Variants in AP2A1 observed in about 807,000 individuals in gnomAD.
The protein encoded by AP2A1 is adaptor related protein complex 2 subunit alpha 1, also known as AP-2 complex subunit alpha-1.
In AP2A1, 21 loss-of-function variants were observed where a neutral mutation model predicts 107.3. That is an observed-to-expected ratio of 0.20 (90% confidence interval 0.14 to 0.28). The LOEUF is 0.28. AP2A1 is among the 10% of genes least tolerant of loss of function. AP2A1 has a pLI of 1.00. For missense variants in AP2A1, 873 were observed against 1,307.7 expected (o/e 0.67, Z 5.13); for synonymous variants, 602 against 564.8 (o/e 1.07, Z -0.93).
chr19:49,791,537 T>G (rs1001133795), intron 4 of AP2A1, among the ~76,000 whole-genome samples: 1 of 152,096 alleles, frequency 6.6e-6, no homozygotes, highest in Non-Finnish European at 1.5e-5. Context: ...CTGACAGTAT[T>G]TGATGTATGT....
intron 1 of AP2A1, among the ~76,000 whole-genome samples, chr19:49,769,116 G>C (rs1042154207): frequency 1.3e-5 from 2 of 152,120 alleles, no homozygotes; most frequent in East Asian, 1.9e-4. Flanking sequence ...CAGGTGTGGT[G>C]GTGGGTGCCT....
At chr19:49,777,068 A>C (rs1223482314) in intron 1 of AP2A1, among the ~76,000 whole-genome samples, 1 of 146,996 alleles carries the variant, frequency 6.8e-6, no homozygotes, top group South Asian at 2.2e-4. Flanking sequence ...GTCTCTACTA[A>C]AAATGCGGAA....
Position 49,805,797 on chromosome 19 carries a change from C to T in AP2A1, c.2585+20C>T. The T allele has an allele frequency of 8.9e-7, 1 of 1,129,626 alleles. No homozygotes were observed. Among genetic ancestry groups the T allele is most frequent in the Non-Finnish European group, 1.2e-6 (1 of 818,136 alleles). The allele number at this position is 1,129,626 out of a possible 1,614,324, so 70.0% of individuals were successfully genotyped here. ...GAGCCTGTGAGGGGTGGGGAGGGGGCGGAGCCAAAGCCGCGCCTCTGGGTG... is the reference window on the plus strand; with the variant it reads ...GAGCCTGTGAGGGGTGGGGAGGGGGTGGAGCCAAAGCCGCGCCTCTGGGTG... On this transcript the variant is annotated intron_variant, in intron 20 of 22. Coordinates refer to ENST00000354293, the MANE Select transcript of AP2A1 (RefSeq NM_130787.3).
At position 49,782,103 on chromosome 19, in the gene AP2A1, G is replaced by C. The variant is rs920971291; in HGVS notation, c.279+14G>C. The C allele has an allele frequency of 4.1e-5, 63 of 1,548,394 alleles. No homozygotes were observed. Among genetic ancestry groups the C allele is most frequent in the Non-Finnish European group, 5.1e-5 (58 of 1,145,528 alleles). ...GAGAAGCAAATAGTGAGTCTGGAGA[G>C]GGGGGTGCCAGGGCCTGGACTCCTG... is the stretch of plus-strand genomic sequence containing the variant. On this transcript the variant is annotated intron_variant, in intron 3 of 22. Transcript: ENST00000354293.
rs1568591434 is a variant in AP2A1 at position 49,805,982 on chromosome 19, T to C, written c.2655+41T>C. On this transcript the variant is annotated intron_variant, in intron 21 of 22. Transcript: ENST00000354293. ...CGTGTTTGCCGGCCTATGGCTGCTT[T>C]GCTTCTCTGAGCCTCTGTTTTCCCA... 2.5e-6 allele frequency: 4 copies of C among 1,613,224 alleles called. No individual in the cohort carries two copies. The South Asian group carries it at 4.4e-5, about 18-fold the overall frequency.
Position 49,803,275 on chromosome 19 carries a change from C to G in AP2A1, c.2255-12C>G. The G allele has an allele frequency of 2.5e-6, 4 of 1,613,796 alleles. No individual in the cohort carries two copies. Among genetic ancestry groups the G allele is most frequent in the Non-Finnish European group, 2.5e-6 (3 of 1,179,792 alleles). On this transcript the variant is annotated splice_polypyrimidine_tract_variant and intron_variant, in intron 17 of 22. Coordinates refer to ENST00000354293, the MANE Select transcript of AP2A1 (RefSeq NM_130787.3). ...GACTCAGATGGAGCTCTGCCTCCCC[C>G]ACCTACTGCAGGCCGCATGTATCTC...
At chr19:49,773,098 C>T (rs983607168) in intron 1 of AP2A1, among the ~76,000 whole-genome samples, 1 of 151,860 alleles carries the variant, frequency 6.6e-6, no homozygotes, top group Non-Finnish European at 1.5e-5. Context: ...GGGGAAGGGT[C>T]TAGAAGGTGA....
At chr19:49,802,791 C>T (rs2073307206) in intron 15 of AP2A1, 158 bp from the exon 16 acceptor site, 3 of 1,040,960 alleles carry the variant, frequency 2.9e-6, no homozygotes, top group African/African-American at 1.6e-5. Flanking sequence ...TTGGAGGCCA[C>T]TGCTGGATGG....
chr19:49,782,323 G>A (rs558395031), intron 3 of AP2A1, among the ~76,000 whole-genome samples: 1 of 151,176 alleles, frequency 6.6e-6, no homozygotes, highest in Non-Finnish European at 1.5e-5. Context: ...TCCTGGGTCT[G>A]AGGGTTGAAT....
Position 49,806,664 on chromosome 19 carries a change from C to G in AP2A1, c.2791-17C>G. 6.2e-7 allele frequency: 1 copy of G among 1,612,254 alleles called. No individual in the cohort carries two copies. Among genetic ancestry groups the G allele is most frequent in the East Asian group, 2.2e-5 (1 of 44,848 alleles). On this transcript the variant is annotated splice_polypyrimidine_tract_variant and intron_variant, in intron 22 of 22. Transcript: ENST00000354293. ...TCCCCATCTCCTCTGAGTTCTGCCCCCAATGCCCCCACCCAGATGTACCGG... is the reference window on the plus strand; with the variant it reads ...TCCCCATCTCCTCTGAGTTCTGCCCGCAATGCCCCCACCCAGATGTACCGG...
At chr19:49,773,308 G>C (rs899894026) in intron 1 of AP2A1, among the ~76,000 whole-genome samples, 5 of 152,188 alleles carry the variant, frequency 3.3e-5, no homozygotes, top group African/African-American at 1.2e-4. Context: ...AGGAGAGTTG[G>C]ACGAGTGAGC....
At chr19:49,790,070 T>C (rs1319159151) in intron 4 of AP2A1, among the ~76,000 whole-genome samples, 1 of 152,106 alleles carries the variant, frequency 6.6e-6, no homozygotes, top group African/African-American at 2.4e-5. Context: ...AGCACAGCGG[T>C]GTCAAACACC....
At position 49,785,249 on chromosome 19, in the gene AP2A1, C is replaced by T. The variant is rs770855111; in HGVS notation, c.473+2525C>T. Among the ~76,000 whole-genome samples, 2 of 152,122 alleles carry T rather than the reference C, an allele frequency of 1.3e-5. No individual in the cohort carries two copies. Among genetic ancestry groups the T allele is most frequent in the African/African-American group, 4.8e-5 (2 of 41,420 alleles). On this transcript the variant is annotated intron_variant, in intron 4 of 22. Transcript: ENST00000354293. The surrounding 1 kb of genome is among the most constrained non-coding windows in gnomAD (Gnocchi z 4.1). ...CAGACTGTAGGGGGTGACTGTGGGG[C>T]AGCAAGACCAGCCAGGCATCTGTCA...
At position 49,803,362 on chromosome 19, in the gene AP2A1, G is replaced by C. The variant is rs1185659825; in HGVS notation, c.2330G>C (p.Gly777Ala). Residue 777 changes from glycine to alanine, a missense_variant, in exon 18 of 23, where the codon GGA becomes GCA. Around this residue, in one of 4 missense-constraint regions of AP2A1, gnomAD observed 416 missense variants for 473.4 expected, o/e 0.88. Transcript: ENST00000354293. ...TTCTCACCCACTGTGGTTCACCCGG[G>C]AGACCTCCAGACTCATATCCTCTCA... The part of the protein sequence containing the change: ...QNFSPTVVHP[G>A]DLQTQLAVQT... 1 of 1,613,784 alleles carries C rather than the reference G, an allele frequency of 6.2e-7. No homozygotes were observed. Among genetic ancestry groups the C allele is most frequent in the East Asian group, 2.2e-5 (1 of 44,872 alleles).
rs779381035 is a variant in AP2A1 at position 49,801,371 on chromosome 19, C to T, written c.1554-19C>T. 75 of 1,605,698 alleles carry T rather than the reference C, an allele frequency of 4.7e-5. No individual in the cohort carries two copies. The highest frequency in any genetic ancestry group is 6.2e-5 in the Non-Finnish European group (73 of 1,174,354). On this transcript the variant is annotated intron_variant, in intron 12 of 22. Coordinates refer to ENST00000354293, the MANE Select transcript of AP2A1 (RefSeq NM_130787.3). ...GGGCAGTGGAACCTGGCCCCGCTGA[C>T]ACCCACTCCTGCACACAGCCCCCCA...
At chr19:49,781,351 G>T (rs2084672253) in intron 1 of AP2A1, among the ~76,000 whole-genome samples, 1 of 152,138 alleles carries the variant, frequency 6.6e-6, no homozygotes, top group Non-Finnish European at 1.5e-5. Context: ...GAGGCAGTGA[G>T]CTCAGTGGTA....
chr19:49,786,005 G>A (rs1193922556), intron 4 of AP2A1, among the ~76,000 whole-genome samples: 2 of 151,710 alleles, frequency 1.3e-5, no homozygotes, highest in African/African-American at 4.8e-5. Flanking sequence ...GCATAAACCC[G>A]GGGGGCAGAG....
chr19:49,790,675 C>T (rs1332632955), intron 4 of AP2A1, among the ~76,000 whole-genome samples: 1 of 152,234 alleles, frequency 6.6e-6, no homozygotes, highest in Admixed American at 6.5e-5. Flanking sequence ...GCTGGGATTA[C>T]AGGCGTGAGC....
chr19:49,795,176 C>T (rs2073196581), intron 6 of AP2A1, among the ~76,000 whole-genome samples: 1 of 152,170 alleles, frequency 6.6e-6, no homozygotes, highest in South Asian at 2.1e-4. Context: ...AGGCTCAGAG[C>T]CGAGTGAGGA....
Sources: gnomAD v4.1 joint callset for allele counts (sites outside exome capture counted in the v4.1 genomes callset) on GRCh38, gnomAD v4.1.1 for gene constraint, gnomAD v4.1.1 regional missense constraint, Gnocchi (gnomAD v3.1) non-coding constraint, MANE v1.5 for transcripts, NCBI Gene and HGNC (gene_info 2026-07-23, HGNC 2026-07-21) for gene names.